LRRC4C: variants seen among roughly 807,000 people sequenced by gnomAD.
The protein encoded by LRRC4C is leucine-rich repeat-containing protein 4C.
LRRC4C carries 5 observed loss-of-function variants against 33.6 expected under a neutral mutation model. The observed-to-expected ratio is 0.15, with a 90% CI of 0.08 to 0.31. The LOEUF is 0.31. LRRC4C is among the 10% of genes least tolerant of loss of function. The pLI is 1.00. For missense variants in LRRC4C, 560 were observed against 796.7 expected, an observed-to-expected ratio of 0.70 and a Z score of 3.58; for synonymous variants, 329 against 302.0, an observed-to-expected ratio of 1.09 and a Z score of -0.93.
chr11:40,941,947 G>C (rs1197316673), intron 1 of LRRC4C, among the ~76,000 whole-genome samples: 1 of 152,112 alleles, frequency 6.6e-6, no homozygotes, highest in East Asian at 1.9e-4. Flanking sequence ...CAAGAAGCAG[G>C]CACTGAGACA....
chr11:40,875,946 A>T (rs1954865934), intron 2 of LRRC4C, among the ~76,000 whole-genome samples: 1 of 152,060 alleles, frequency 6.6e-6, no homozygotes, highest in African/African-American at 2.4e-5. Flanking sequence ...GCAGATAGTG[A>T]CACCCAAAGT....
chr11:41,397,554 C>G (rs905413486), intron 1 of LRRC4C, among the ~76,000 whole-genome samples: 53 of 151,514 alleles, frequency 3.5e-4, no homozygotes, highest in African/African-American at 1.3e-3. Flanking sequence ...CTGGTCAGCA[C>G]TAGGCAATTA....
rs114495796 is a variant in LRRC4C at position 41,411,456 on chromosome 11, T to C, written c.-496+47975A>G. Among the ~76,000 whole-genome samples the C allele has an allele frequency of 5.4e-3, 820 of 152,138 alleles. 10 individuals carry two copies. Among genetic ancestry groups the C allele is most frequent in the African/African-American group, 0.018 (747 of 41,498 alleles). On this transcript the variant is annotated intron_variant, in intron 1 of 6. Transcript: ENST00000528697. ...AGCCACCGCGCCCAGCCTTGGTTGG[T>C]ACCCTATTGGATAAAGTAGGTAAGA...
In LRRC4C at chr11:41,119,165, T is replaced by C. The variant is rs79046666; in HGVS notation, c.-495-185442A>G. Among the ~76,000 whole-genome samples, 1,405 of 152,260 alleles carry C rather than the reference T, an allele frequency of 9.2e-3. 21 individuals carry two copies. Among genetic ancestry groups the C allele is most frequent in the African/African-American group, 0.033 (1,358 of 41,546 alleles). On this transcript the variant is annotated intron_variant, in intron 1 of 6. Transcript: ENST00000528697. Reference sequence around the variant, plus strand: ...TTGCTGACGATGTTCATATATCTCTTCAGCTAACATTTTCCAAACAATCTT... The same window carrying C: ...TTGCTGACGATGTTCATATATCTCTCCAGCTAACATTTTCCAAACAATCTT...
intron 3 of LRRC4C, among the ~76,000 whole-genome samples, chr11:40,442,020 G>A (rs879852780): frequency 4.2e-4 from 64 of 151,942 alleles, no homozygotes; most frequent in Non-Finnish European, 7.8e-4. Context: ...AAAATTAGCT[G>A]GATGTGGTGG....
chr11:41,011,305 T>G (rs1364989103), intron 1 of LRRC4C, among the ~76,000 whole-genome samples: 1 of 152,114 alleles, frequency 6.6e-6, no homozygotes, highest in Non-Finnish European at 1.5e-5. Flanking sequence ...CAAGTTAATC[T>G]GAAACTCCAA....
chr11:41,021,574 A>G (rs1486247264), intron 1 of LRRC4C, among the ~76,000 whole-genome samples: 1 of 152,108 alleles, frequency 6.6e-6, no homozygotes, highest in East Asian at 1.9e-4. Flanking sequence ...GTTCAAATCT[A>G]TTATATCACC....
chr11:40,545,372 A>G (rs535883981), intron 3 of LRRC4C, among the ~76,000 whole-genome samples: 1 of 152,170 alleles, frequency 6.6e-6, no homozygotes, highest in East Asian at 1.9e-4. Flanking sequence ...ATTACTTTCA[A>G]GCATTTCTTT....
At chr11:40,586,678 C>T (rs971447346) in intron 3 of LRRC4C, among the ~76,000 whole-genome samples, 4 of 150,088 alleles carry the variant, frequency 2.7e-5, no homozygotes, top group Non-Finnish European at 4.4e-5. Flanking sequence ...GATCCAGTTT[C>T]AGCTTTCTAC....
At chr11:40,788,688 A>T (rs1004335952) in intron 2 of LRRC4C, among the ~76,000 whole-genome samples, 7 of 152,204 alleles carry the variant, frequency 4.6e-5, no homozygotes, top group Non-Finnish European at 1.5e-5. Flanking sequence ...TAACAAAATC[A>T]TTTATGAAGT....
intron 2 of LRRC4C, among the ~76,000 whole-genome samples, chr11:40,830,637 G>A (rs1272352272): frequency 6.6e-6 from 1 of 152,060 alleles, no homozygotes; most frequent in Non-Finnish European, 1.5e-5. Context: ...ATCTAAAGGA[G>A]AACAGACTGG....
At chr11:40,400,405 T>C (rs1949713966) in intron 3 of LRRC4C, among the ~76,000 whole-genome samples, 1 of 152,158 alleles carries the variant, frequency 6.6e-6, no homozygotes, top group South Asian at 2.1e-4. Context: ...AATTACAATA[T>C]ATTTAAAGTG....
chr11:40,323,977 G>A (rs540251382), intron 3 of LRRC4C, among the ~76,000 whole-genome samples: 7 of 152,256 alleles, frequency 4.6e-5, no homozygotes, highest in South Asian at 2.1e-4. Context: ...CTCACTAGTC[G>A]GCGGGAAGAT....
chr11:40,616,170 C>A (rs978449481), intron 3 of LRRC4C, among the ~76,000 whole-genome samples: 8 of 151,996 alleles, frequency 5.3e-5, no homozygotes, highest in Non-Finnish European at 1.2e-4. Flanking sequence ...TGCTCATCAT[C>A]ACTGGCCATC....
intron 1 of LRRC4C, among the ~76,000 whole-genome samples, chr11:41,304,333 G>A (rs1344116003): frequency 4.5e-4 from 47 of 103,774 alleles, no homozygotes; most frequent in Admixed American, 2.2e-3. Context: ...CAGCCGCCCC[G>A]TCCGGGAGGG....
chr11:40,848,370 A>G lies in LRRC4C; in HGVS notation c.-407+85265T>C, dbSNP rs1308134778. 2.6e-5 allele frequency among the ~76,000 whole-genome samples: 4 copies of G among 152,212 alleles called. No homozygotes were observed. In the East Asian group the frequency reaches 5.8e-4, roughly 22 times the overall value. On this transcript the variant is annotated intron_variant, in intron 2 of 6. Coordinates refer to ENST00000528697, the MANE Select transcript of LRRC4C (RefSeq NM_001258419.2). ...GTGTCTTTATTTTCATTGGTTTCAA[A>G]TAACTTATTTATTTCGGTCTTCCTT...
At chr11:40,745,435 G>A (rs1026632357) in intron 2 of LRRC4C, among the ~76,000 whole-genome samples, 1 of 152,154 alleles carries the variant, frequency 6.6e-6, no homozygotes. Context: ...GAGAACGTTT[G>A]ATAGACATTT....
At chr11:40,943,013 A>C (rs1162389345) in intron 1 of LRRC4C, among the ~76,000 whole-genome samples, 2 of 152,206 alleles carry the variant, frequency 1.3e-5, no homozygotes, top group African/African-American at 4.8e-5. Flanking sequence ...TTGAAAGCAG[A>C]CATAAACCTA....
At chr11:40,588,462 G>C (rs11821222) in intron 3 of LRRC4C, among the ~76,000 whole-genome samples, 1 of 151,286 alleles carries the variant, frequency 6.6e-6, no homozygotes, top group Non-Finnish European at 1.5e-5. Context: ...AGGGTTTTTT[G>C]TGTCTCTATT....
Sources: allele counts gnomAD v4.1 joint callset (sites outside exome capture counted in the v4.1 genomes callset), GRCh38; gene constraint gnomAD v4.1.1; transcripts MANE v1.5; gene names NCBI Gene and HGNC (gene_info 2026-07-23, HGNC 2026-07-21).